The following RBFOX1 variants were observed in gnomAD, a reference collection of about 807,000 sequenced individuals.
RBFOX1 encodes RNA binding protein fox-1 homolog 1.
RBFOX1 carries 8 observed loss-of-function variants against 57.7 expected under a neutral mutation model. The observed-to-expected ratio is 0.14, with a 90% CI of 0.08 to 0.25. The LOEUF (loss-of-function observed/expected upper bound fraction) is 0.25. Among genes scored for constraint, RBFOX1 ranks in the 10% least tolerant of loss-of-function variants. The pLI is 1.00. For missense variants in RBFOX1, 611 were observed against 548.5 expected (o/e 1.11, Z -1.14); for synonymous variants, 326 against 222.4 (o/e 1.47, Z -4.15).
At chr16:6,990,829 C>T (rs11864504) in intron 3 of RBFOX1, among the ~76,000 whole-genome samples, 10,243 of 152,080 alleles carry the variant, frequency 0.067, 420 homozygotes, top group South Asian at 0.17. Context: ...TCAGTGAGTG[C>T]TGATAACAGA....
chr16:5,339,723 C>G (rs2064992969), intron 1 of RBFOX1, among the ~76,000 whole-genome samples: 1 of 151,988 alleles, frequency 6.6e-6, no homozygotes, highest in African/African-American at 2.4e-5. Context: ...AGGTGATCCA[C>G]CTGCCTCAAG....
intron 3 of RBFOX1, among the ~76,000 whole-genome samples, chr16:6,801,866 C>A (rs1388930986): frequency 2.0e-5 from 3 of 152,008 alleles, no homozygotes; most frequent in Non-Finnish European, 1.5e-5. Flanking sequence ...ATCTGAAGAC[C>A]TAAGTGGTTC....
intron 3 of RBFOX1, among the ~76,000 whole-genome samples, chr16:6,856,555 G>A (rs933587400): frequency 6.6e-6 from 1 of 152,136 alleles, no homozygotes; most frequent in African/African-American, 2.4e-5. Flanking sequence ...GTTCATCAAA[G>A]AGTGTTTCCC....
chr16:6,295,318 G>C (rs1449634898), intron 1 of RBFOX1, among the ~76,000 whole-genome samples: 2 of 152,074 alleles, frequency 1.3e-5, no homozygotes, highest in African/African-American at 4.8e-5. Flanking sequence ...TAGAGGCGAG[G>C]TTTCATCATG....
intron 4 of RBFOX1, among the ~76,000 whole-genome samples, chr16:7,133,948 G>A (rs1036186343): frequency 6.6e-6 from 1 of 152,054 alleles, no homozygotes; most frequent in African/African-American, 2.4e-5. Context: ...AATATGTCAG[G>A]GTATTTGTCA....
At chr16:5,542,997 A>G (rs895873915) in intron 2 of RBFOX1, among the ~76,000 whole-genome samples, 16 of 152,218 alleles carry the variant, frequency 1.1e-4, no homozygotes, top group Non-Finnish European at 1.9e-4. Flanking sequence ...CACAGTTTAT[A>G]AGACATTGGG....
intron 2 of RBFOX1, among the ~76,000 whole-genome samples, chr16:5,551,640 C>A (rs2045469275): frequency 1.3e-5 from 2 of 151,956 alleles, no homozygotes; most frequent in African/African-American, 4.8e-5. Flanking sequence ...AATCTCAGCT[C>A]TTTTTTTTAA....
intron 3 of RBFOX1, among the ~76,000 whole-genome samples, chr16:5,771,279 G>C (rs2053968048): frequency 6.6e-6 from 1 of 152,224 alleles, no homozygotes; most frequent in Non-Finnish European, 1.5e-5. Context: ...GCTCTGACCT[G>C]GAGGGACTCT....
In RBFOX1 at chr16:5,800,558, G is replaced by C. The variant is rs146514364; in HGVS notation, c.319-66745G>C. ...TAAGGGAGAGTTGGCTGGGACAGAT[G>C]ACCAAGGATGTGTGGAATTGGAGGA... On this transcript the variant is annotated intron_variant, in intron 3 of 19. Coordinates refer to the RBFOX1 transcript ENST00000641259. Among the ~76,000 whole-genome samples the C allele has an allele frequency of 7.0e-4, 107 of 152,278 alleles. 1 individual carries two copies. The highest frequency in any genetic ancestry group is 3.4e-3 in the Middle Eastern group (1 of 294).
chr16:6,377,679 C>T (rs1193414530), intron 2 of RBFOX1, among the ~76,000 whole-genome samples: 2 of 152,076 alleles, frequency 1.3e-5, no homozygotes, highest in African/African-American at 4.8e-5. Flanking sequence ...GCTGTTCTAC[C>T]CTCTACAGTG....
chr16:7,509,444 C>A (rs1472553157), intron 4 of RBFOX1, among the ~76,000 whole-genome samples: 1 of 138,122 alleles, frequency 7.2e-6, no homozygotes, highest in Non-Finnish European at 1.6e-5. Context: ...GTGTCTGTGT[C>A]TGTGTGTGGT....
intron 2 of RBFOX1, among the ~76,000 whole-genome samples, chr16:5,480,628 G>A (rs538258568): frequency 1.3e-5 from 2 of 152,254 alleles, no homozygotes; most frequent in African/African-American, 4.8e-5. Context: ...ATTCACCCAT[G>A]GCTATGCTAG....
intron 2 of RBFOX1, among the ~76,000 whole-genome samples, chr16:6,537,928 A>AT (rs545919190): frequency 3.1e-4 from 46 of 148,116 alleles, no homozygotes; most frequent in South Asian, 8.6e-4. Context: ...AAAGAGCAAG[A>AT]TTTTTTTTTT....
chr16:5,398,153 C>A (rs550386710), intron 1 of RBFOX1, among the ~76,000 whole-genome samples: 2 of 152,186 alleles, frequency 1.3e-5, no homozygotes, highest in Admixed American at 6.5e-5. Context: ...CCTAAGCTGA[C>A]AACTGAAGGG....
chr16:6,654,339 G>A (rs367662281), intron 2 of RBFOX1, among the ~76,000 whole-genome samples: 1 of 152,172 alleles, frequency 6.6e-6, no homozygotes. Flanking sequence ...TCTTTGCTGT[G>A]ACCTCTGATC....
Position 5,511,747 on chromosome 16 carries a change from T to C in RBFOX1, c.258+44493T>C, listed in dbSNP as rs181062337. Reference sequence around the variant, plus strand: ...AACCCATGTTGGCCTGATTCCAGCATTGAACCTCCTATTCACCATGTGATG... The same window carrying C: ...AACCCATGTTGGCCTGATTCCAGCACTGAACCTCCTATTCACCATGTGATG... On this transcript the variant is annotated intron_variant, in intron 2 of 2. Transcript: ENST00000585867. Among the ~76,000 whole-genome samples the C allele has an allele frequency of 9.0e-4, 137 of 152,314 alleles. 2 individuals are homozygous for C. Among genetic ancestry groups the C allele is most frequent in the Admixed American group, 2.0e-3 (31 of 15,302 alleles).
chr16:6,245,402 A>T (rs958867365), intron 1 of RBFOX1, among the ~76,000 whole-genome samples: 1 of 152,146 alleles, frequency 6.6e-6, no homozygotes, highest in Non-Finnish European at 1.5e-5. Context: ...ATCTGCACCA[A>T]TAATTCCAGT....
At chr16:5,554,822 T>A (rs954797257) in intron 2 of RBFOX1, among the ~76,000 whole-genome samples, 4 of 152,342 alleles carry the variant, frequency 2.6e-5, no homozygotes, top group African/African-American at 9.6e-5. Context: ...ATTTGTCTTT[T>A]TTCTTACTCA....
intron 2 of RBFOX1, among the ~76,000 whole-genome samples, chr16:5,533,595 G>A (rs2044574299): frequency 6.6e-6 from 1 of 152,180 alleles, no homozygotes; most frequent in Admixed American, 6.5e-5. Flanking sequence ...CTGGGCCCCA[G>A]TAGACATCTC....
Sources: allele counts gnomAD v4.1 joint callset (sites outside exome capture counted in the v4.1 genomes callset), GRCh38; gene constraint gnomAD v4.1.1; transcripts MANE v1.5; gene names NCBI Gene and HGNC (gene_info 2026-07-23, HGNC 2026-07-21).